ELMO1: variants seen among roughly 807,000 people sequenced by gnomAD.
ELMO1 encodes engulfment and cell motility 1, also known as engulfment and cell motility protein 1.
Under a neutral mutation model 98.9 loss-of-function variants are expected in ELMO1, and 26 were observed. The ratio of observed to expected loss-of-function variants is 0.26; its 90% CI spans 0.19 to 0.36. The LOEUF (loss-of-function observed/expected upper bound fraction) is 0.36. Among genes scored for constraint, ELMO1 ranks in the 10% least tolerant of loss-of-function variants. The pLI, the probability that ELMO1 is intolerant of heterozygous loss-of-function variation, is 1.00. For missense variants in ELMO1, 627 were observed against 935.2 expected (o/e 0.67, Z 4.30); for synonymous variants, 346 against 346.0 (o/e 1.00, Z 0.00).
chr7:37,250,076 C>T (rs1795258625), intron 6 of ELMO1, among the ~76,000 whole-genome samples: 1 of 151,460 alleles, frequency 6.6e-6, no homozygotes, highest in Admixed American at 6.6e-5. Context: ...AAGACTCTGA[C>T]TCAAAAAAAA....
chr7:36,871,226 C>G (rs1167153745), intron 19 of ELMO1, among the ~76,000 whole-genome samples: 1 of 152,174 alleles, frequency 6.6e-6, no homozygotes, highest in Non-Finnish European at 1.5e-5. Flanking sequence ...GCACTTAAAA[C>G]TTTTGATAAG....
intron 14 of ELMO1, among the ~76,000 whole-genome samples, chr7:37,114,137 T>C (rs1379628709): frequency 6.6e-6 from 1 of 152,146 alleles, no homozygotes. Context: ...TTACTGGAGG[T>C]TGTAGGCAGA....
chr7:37,049,159 A>G (rs1031770363), intron 15 of ELMO1, among the ~76,000 whole-genome samples: 11 of 152,214 alleles, frequency 7.2e-5, no homozygotes, highest in Non-Finnish European at 1.5e-4. Context: ...AGGGATAAAC[A>G]TTAAGCACCT....
chr7:37,233,058 C>A, intron 8 of ELMO1, 37 bp downstream of exon 8: 1 of 1,537,500 alleles, frequency 6.5e-7, no homozygotes, highest in Non-Finnish European at 8.9e-7. Flanking sequence ...TGACAGAAGA[C>A]AGTAAGGAAA....
intron 14 of ELMO1, among the ~76,000 whole-genome samples, chr7:37,118,600 T>A (rs1002370866): frequency 3.3e-5 from 5 of 151,888 alleles, no homozygotes; most frequent in Admixed American, 2.6e-4. Context: ...CTTTAAGGAG[T>A]GGGAACGGGA....
At chr7:37,268,917 T>C (rs543797603) in intron 5 of ELMO1, among the ~76,000 whole-genome samples, 2 of 152,196 alleles carry the variant, frequency 1.3e-5, no homozygotes, top group Non-Finnish European at 2.9e-5. Context: ...ACACGTTACA[T>C]AAAAACAGCA....
intron 13 of ELMO1, among the ~76,000 whole-genome samples, chr7:37,172,102 C>T (rs1790205825): frequency 6.6e-6 from 1 of 152,082 alleles, no homozygotes; most frequent in South Asian, 2.1e-4. Context: ...AATGACTATC[C>T]TGTAAGAAAA....
chr7:37,413,139 GTTTTT>G (rs55918735), intron 1 of ELMO1, among the ~76,000 whole-genome samples: 1 of 149,858 alleles, frequency 6.7e-6, no homozygotes, highest in East Asian at 2.0e-4. Context: ...TTTTTTTTTT[GTTTTT>G]TTTAATTTTA....
chr7:37,353,372 T>G (rs1562638601), intron 1 of ELMO1: 2 of 152,996 alleles, frequency 1.3e-5, no homozygotes, highest in East Asian at 3.8e-4. Flanking sequence ...GGGGGGTTCG[T>G]GGTCTCCCTG....
At position 37,233,103 on chromosome 7, in the gene ELMO1, T is replaced by C; in HGVS notation, c.541A>G (p.Ile181Val). ...GGCAGAGTCCACCTTACCTTCTTAA[T>C]GAACGCCACCGAAAATGTATCCCAG... Reference protein sequence around the residue: ...VSWDTFSVAFIKKIASFVNKS... With the variant: ...VSWDTFSVAFVKKIASFVNKS... Residue 181 changes from isoleucine (I) to valine (V), a missense_variant, in exon 8 of 22, where the codon ATT (isoleucine) becomes GTT (valine). Coordinates refer to ENST00000310758, the MANE Select transcript of ELMO1 (RefSeq NM_014800.11). The C allele has an allele frequency of 1.2e-6, 2 of 1,613,248 alleles. No individual in the cohort carries two copies. The highest frequency in any genetic ancestry group is 2.2e-5 in the East Asian group (1 of 44,832).
chr7:37,399,622 T>C (rs183219978), intron 1 of ELMO1, among the ~76,000 whole-genome samples: 212 of 152,360 alleles, frequency 1.4e-3, no homozygotes, highest in Admixed American at 0.013. Flanking sequence ...AACATGCTTT[T>C]GGATAATGCA....
chr7:36,873,153 G>A (rs990009108), intron 19 of ELMO1, among the ~76,000 whole-genome samples: 7 of 152,274 alleles, frequency 4.6e-5, no homozygotes, highest in Admixed American at 2.6e-4. Context: ...AAAACACAAA[G>A]TTCTAAAAAT....
At chr7:37,411,989 T>G (rs1377931378) in intron 1 of ELMO1, among the ~76,000 whole-genome samples, 1 of 152,136 alleles carries the variant, frequency 6.6e-6, no homozygotes, top group Non-Finnish European at 1.5e-5. Context: ...CAAATTAAAG[T>G]CCCTTCCTCA....
chr7:37,297,473 A>G (rs1488841853), intron 4 of ELMO1, among the ~76,000 whole-genome samples: 3 of 152,218 alleles, frequency 2.0e-5, no homozygotes, highest in South Asian at 2.1e-4. Context: ...GGGGTCCTCC[A>G]TAAATGATGG....
chr7:37,069,685 C>T (rs957230990), intron 15 of ELMO1, among the ~76,000 whole-genome samples: 1 of 152,142 alleles, frequency 6.6e-6, no homozygotes, highest in Non-Finnish European at 1.5e-5. Context: ...TCAAATGGAA[C>T]CGATCTCCGA....
intron 14 of ELMO1, among the ~76,000 whole-genome samples, chr7:37,098,442 A>C (rs549530913): frequency 1.3e-5 from 2 of 152,288 alleles, no homozygotes; most frequent in Non-Finnish European, 2.9e-5. Context: ...TGGGGAGGGG[A>C]GTTTAGATAA....
intron 20 of ELMO1, among the ~76,000 whole-genome samples, chr7:36,862,872 A>C (rs551825586): frequency 4.6e-5 from 7 of 152,218 alleles, no homozygotes; most frequent in Non-Finnish European, 8.8e-5. Flanking sequence ...AATATCTGTT[A>C]GAGGGTTTGT....
chr7:37,291,090 G>C (rs954406243), intron 4 of ELMO1, among the ~76,000 whole-genome samples: 1 of 152,038 alleles, frequency 6.6e-6, no homozygotes, highest in Non-Finnish European at 1.5e-5. Flanking sequence ...TGAAAGAAGT[G>C]ACAATGCAAG....
intron 14 of ELMO1, among the ~76,000 whole-genome samples, chr7:37,109,807 T>C (rs1785148077): frequency 6.6e-6 from 1 of 152,184 alleles, no homozygotes; most frequent in African/African-American, 2.4e-5. Context: ...CAGTTAACTC[T>C]TGGACGCTTT....
Sources: allele counts gnomAD v4.1 joint callset (sites outside exome capture counted in the v4.1 genomes callset), GRCh38; gene constraint gnomAD v4.1.1; transcripts MANE v1.5; gene names NCBI Gene and HGNC (gene_info 2026-07-23, HGNC 2026-07-21).